SRPK2: variants seen among roughly 807,000 people sequenced by gnomAD.
SRPK2 encodes the protein SFRS protein kinase 2.
SRPK2 carries 21 observed loss-of-function variants against 90.8 expected under a neutral mutation model. The observed-to-expected ratio is 0.23, with a 90% CI of 0.16 to 0.33. The LOEUF (loss-of-function observed/expected upper bound fraction) is 0.33, where lower values mean the gene tolerates loss of function less well. SRPK2 is among the 10% of genes least tolerant of loss of function. The pLI, the probability that SRPK2 is intolerant of heterozygous loss-of-function variation, is 1.00. For synonymous variants in SRPK2, 288 were observed against 311.1 expected, an observed-to-expected ratio of 0.93 and a Z score of 0.78; for missense variants, 620 against 869.0, an observed-to-expected ratio of 0.71 and a Z score of 3.60.
intron 2 of SRPK2, among the ~76,000 whole-genome samples, chr7:105,319,661 G>A (rs555812081): frequency 6.6e-6 from 1 of 152,186 alleles, no homozygotes; most frequent in South Asian, 2.1e-4. Context: ...TAAGCTAACA[G>A]GTAGACAAGA....
At chr7:105,140,876 G>A (rs1319092228) in intron 11 of SRPK2, among the ~76,000 whole-genome samples, 4 of 152,004 alleles carry the variant, frequency 2.6e-5, no homozygotes, top group African/African-American at 9.6e-5. Context: ...CGGGAGAATC[G>A]CTTGAACCCG....
intron 2 of SRPK2, among the ~76,000 whole-genome samples, chr7:105,240,965 T>C (rs946203573): frequency 1.1e-4 from 16 of 152,160 alleles, no homozygotes; most frequent in African/African-American, 3.9e-4. Flanking sequence ...TTTTAAAGAA[T>C]GTTCCAGTAT....
chr7:105,303,248 G>C (rs1181525152), intron 2 of SRPK2, among the ~76,000 whole-genome samples: 1 of 152,114 alleles, frequency 6.6e-6, no homozygotes, highest in Non-Finnish European at 1.5e-5. Flanking sequence ...CTCACTCATA[G>C]GTGGGAATTG....
At chr7:105,302,390 C>A (rs1810653375) in intron 2 of SRPK2, among the ~76,000 whole-genome samples, 1 of 152,128 alleles carries the variant, frequency 6.6e-6, no homozygotes, top group South Asian at 2.1e-4. Flanking sequence ...ATGATCTTAT[C>A]CTGGTGGATG....
chr7:105,205,928 A>AACACAC (rs139433699), intron 2 of SRPK2: 268 of 484,674 alleles, frequency 5.5e-4, no homozygotes, highest in African/African-American at 2.4e-3. Flanking sequence ...ATTCTCTGAA[A>AACACAC]ACACACACAC....
intron 3 of SRPK2, among the ~76,000 whole-genome samples, chr7:105,200,900 C>A (rs1795460700): frequency 6.6e-6 from 1 of 152,160 alleles, no homozygotes; most frequent in South Asian, 2.1e-4. Context: ...CAACACTGGG[C>A]AACTGGCAGT....
At chr7:105,364,823 G>A (rs1818848943) in intron 2 of SRPK2, among the ~76,000 whole-genome samples, 1 of 152,028 alleles carries the variant, frequency 6.6e-6, no homozygotes, top group African/African-American at 2.4e-5. Context: ...GATGGTCAGG[G>A]GCATTGTCCA....
intron 3 of SRPK2, 101 bp from the exon 4 acceptor site, chr7:105,169,366 T>A: frequency 1.2e-6 from 1 of 805,726 alleles, no homozygotes; most frequent in Non-Finnish European, 2.0e-6. Flanking sequence ...AAGAAAGCTC[T>A]ACATAATACA....
At chr7:105,389,431 C>A (rs897807588), upstream of SRPK2, 19 of 1,198,558 alleles carry the variant, frequency 1.6e-5, no homozygotes, top group African/African-American at 3.1e-4. Flanking sequence ...AGCTGGGAAA[C>A]CTGGGTCCGC....
intron 2 of SRPK2, among the ~76,000 whole-genome samples, chr7:105,283,533 T>C (rs1277939693): frequency 1.3e-5 from 2 of 152,152 alleles, no homozygotes; most frequent in African/African-American, 4.8e-5. Context: ...AAATATTATA[T>C]GATTTCATGT....
intron 11 of SRPK2, 35 bp downstream of exon 11, chr7:105,141,973 G>A: frequency 6.3e-7 from 1 of 1,575,704 alleles, no homozygotes; most frequent in Non-Finnish European, 8.6e-7. Context: ...CCTGGAGTCA[G>A]CGATGGCAGA....
At chr7:105,199,614 C>T (rs1356266558) in intron 3 of SRPK2, among the ~76,000 whole-genome samples, 4 of 151,934 alleles carry the variant, frequency 2.6e-5, no homozygotes, top group South Asian at 2.1e-4. Context: ...ACTAAGTCAA[C>T]GCAATGAGGA....
intron 5 of SRPK2, among the ~76,000 whole-genome samples, chr7:105,167,801 G>GA (rs1427045435): frequency 6.6e-6 from 1 of 151,870 alleles, no homozygotes; most frequent in Non-Finnish European, 1.5e-5. Context: ...AGCAGAGATG[G>GA]GGTTTCACCG....
At chr7:105,319,179 A>C (rs2131513067) in intron 2 of SRPK2, among the ~76,000 whole-genome samples, 1 of 152,340 alleles carries the variant, frequency 6.6e-6, no homozygotes, top group Non-Finnish European at 1.5e-5. Context: ...TTCTGTGAAA[A>C]TGTAACACAC....
intron 11 of SRPK2, among the ~76,000 whole-genome samples, chr7:105,136,674 C>CG (rs1562969346): frequency 6.6e-6 from 1 of 152,166 alleles, no homozygotes; most frequent in African/African-American, 2.4e-5. Flanking sequence ...TGCTGTCACA[C>CG]GCACATAACA....
chr7:105,159,469 A>AAAAAAAAAAAAAAAAAAAAAAAAAAAAT (rs1807201052), intron 7 of SRPK2, among the ~76,000 whole-genome samples: 1 of 149,598 alleles, frequency 6.7e-6, no homozygotes, highest in Non-Finnish European at 1.5e-5. Flanking sequence ...AAAAAAAAAA[A>AAAAAAAAAAAAAAAAAAAAAAAAAAAAT]AAAACCGTAC....
At chr7:105,162,119 G>A (rs1427130416) in intron 6 of SRPK2, among the ~76,000 whole-genome samples, 1 of 152,150 alleles carries the variant, frequency 6.6e-6, no homozygotes, top group Non-Finnish European at 1.5e-5. Flanking sequence ...TCAGCTCACT[G>A]CAACCTCCAC....
chr7:105,269,395 CTTTGT>C (rs1805525576), intron 2 of SRPK2, among the ~76,000 whole-genome samples: 1 of 152,076 alleles, frequency 6.6e-6, no homozygotes, highest in South Asian at 2.1e-4. Context: ...AATGTTTAAC[CTTTGT>C]TTTAATTTCT....
intron 15 of SRPK2, among the ~76,000 whole-genome samples, chr7:105,122,681 T>A (rs555138390): frequency 2.6e-5 from 4 of 152,292 alleles, no homozygotes; most frequent in Non-Finnish European, 4.4e-5. Flanking sequence ...CCCTCAGTTC[T>A]CACATTTCTC....
Sources: gnomAD v4.1 joint callset for allele counts (sites outside exome capture counted in the v4.1 genomes callset) on GRCh38, gnomAD v4.1.1 for gene constraint, MANE v1.5 for transcripts, NCBI Gene and HGNC (gene_info 2026-07-23, HGNC 2026-07-21) for gene names.